CPAMD8: variants seen among roughly 807,000 people sequenced by gnomAD.
CPAMD8 encodes the protein C3 and PZP like alpha-2-macroglobulin domain containing 8.
In CPAMD8, 146 loss-of-function variants were observed where a neutral mutation model predicts 224.7. That is an observed-to-expected ratio of 0.65 (90% CI 0.57 to 0.75). CPAMD8 has a LOEUF of 0.75. Ranked by LOEUF, CPAMD8 falls within the 30% of genes least tolerant of loss-of-function variation. The probability of loss-of-function intolerance (pLI) is 0.00; values close to 1 mark genes in which losing one functional copy is unlikely to be tolerated. For missense variants in CPAMD8, 2,301 were observed against 2,537.5 expected (o/e 0.91, Z 2.00); for synonymous variants, 966 against 1,044.6 (o/e 0.92, Z 1.45).
intron 13 of CPAMD8, among the ~76,000 whole-genome samples, chr19:16,983,326 G>A (rs141095246): frequency 6.6e-6 from 1 of 152,168 alleles, no homozygotes. Flanking sequence ...TTGAACCTGA[G>A]AGGCAGAGGT....
intron 15 of CPAMD8, among the ~76,000 whole-genome samples, 188 bp from the exon 16 acceptor site, chr19:16,976,339 G>A (rs2122709182): frequency 6.6e-6 from 1 of 152,190 alleles, no homozygotes; most frequent in Non-Finnish European, 1.5e-5. Flanking sequence ...AGCTGGGCAT[G>A]GTGGCAGGTG....
intron 18 of CPAMD8, among the ~76,000 whole-genome samples, chr19:16,964,919 T>C (rs1240901657): frequency 6.6e-6 from 1 of 152,054 alleles, no homozygotes; most frequent in Non-Finnish European, 1.5e-5. Flanking sequence ...ATCCATCACA[T>C]AGACAGAACC....
intron 24 of CPAMD8, among the ~76,000 whole-genome samples, chr19:16,928,658 C>T (rs1041643642): frequency 6.6e-6 from 1 of 152,056 alleles, no homozygotes; most frequent in Non-Finnish European, 1.5e-5. Flanking sequence ...GCCCAGAAAA[C>T]ACCCCCCAAC....
intron 3 of CPAMD8, among the ~76,000 whole-genome samples, chr19:17,016,903 T>G (rs567387962): frequency 1.3e-5 from 2 of 151,458 alleles, no homozygotes; most frequent in South Asian, 4.2e-4. Context: ...TTTTTTTTTC[T>G]TTTTTCCTTA....
rs2052910156 is a variant in CPAMD8 at position 16,915,403 on chromosome 19, A to C, written c.3630-590T>G. 2.6e-5 allele frequency among the ~76,000 whole-genome samples: 4 copies of C among 152,112 alleles called. No homozygotes were observed. The South Asian group carries it at 8.3e-4, about 32-fold the overall frequency. On this transcript the variant is annotated intron_variant, in intron 27 of 41. Transcript: ENST00000443236. ...GGAGGGAATACCCAGGGATGGAAGG[A>C]AAAAAACGAGCCCCAGTGCACTATG...
intron 30 of CPAMD8, among the ~76,000 whole-genome samples, 181 bp downstream of exon 30, chr19:16,906,771 G>A (rs1184057140): frequency 1.3e-5 from 2 of 151,826 alleles, no homozygotes. Context: ...GTGCAATGGC[G>A]CGATCTCTGC....
chr19:16,931,022 A>G (rs1164617007), intron 23 of CPAMD8, among the ~76,000 whole-genome samples: 2 of 152,080 alleles, frequency 1.3e-5, no homozygotes, highest in African/African-American at 4.8e-5. Flanking sequence ...TAACTCCCCA[A>G]CCTGCAGCAA....
intron 32 of CPAMD8, 53 bp downstream of exon 32, chr19:16,904,173 G>GGGAGGGCCCCCCCCCCCCCCCCA: frequency 8.8e-7 from 1 of 1,141,964 alleles, no homozygotes; most frequent in Non-Finnish European, 1.3e-6. Context: ...AAGGACTGCA[G>GGGAGGGCCCCCCCCCCCCCCCCA]GGACCCCACC....
At chr19:17,022,306 T>C (rs2056981414) in intron 1 of CPAMD8, 125 bp from the exon 2 acceptor site, 3 of 1,084,812 alleles carry the variant, frequency 2.8e-6, no homozygotes, top group East Asian at 2.6e-5. Context: ...CTGGCTGGCA[T>C]TGATGCTCTA....
At chr19:16,976,724 G>C (rs1273464099) in intron 15 of CPAMD8, among the ~76,000 whole-genome samples, 1 of 151,920 alleles carries the variant, frequency 6.6e-6, no homozygotes, top group Non-Finnish European at 1.5e-5. Context: ...TGCTGGCGGA[G>C]AGCCTGTGGC....
At chr19:16,949,308 C>T (rs1270157173) in intron 20 of CPAMD8, among the ~76,000 whole-genome samples, 1 of 152,158 alleles carries the variant, frequency 6.6e-6, no homozygotes, top group East Asian at 1.9e-4. Context: ...CCAAGCCGGA[C>T]ATCTGGGGAT....
At chr19:16,983,979 G>A (rs1157792776) in intron 13 of CPAMD8, among the ~76,000 whole-genome samples, 3 of 152,156 alleles carry the variant, frequency 2.0e-5, no homozygotes, top group Non-Finnish European at 4.4e-5. Flanking sequence ...AATCAAGACA[G>A]TGTAGTACCA....
chr19:16,970,253 A>T (rs1479526711), intron 18 of CPAMD8, among the ~76,000 whole-genome samples: 1 of 150,214 alleles, frequency 6.7e-6, no homozygotes, highest in Non-Finnish European at 1.5e-5. Context: ...AAAAAAAAAA[A>T]AAAGAAAGAA....
chr19:16,982,348 T>C (rs1441122264), intron 13 of CPAMD8, among the ~76,000 whole-genome samples: 1 of 151,340 alleles, frequency 6.6e-6, no homozygotes, highest in African/African-American at 2.4e-5. Context: ...GTCATGATCA[T>C]GCCACTGCAC....
intron 27 of CPAMD8, among the ~76,000 whole-genome samples, chr19:16,920,855 CAAAAAAAAAA>C (rs200039066): frequency 2.5e-5 from 3 of 119,080 alleles, no homozygotes; most frequent in African/African-American, 1.2e-4. Context: ...GACTCTATCT[CAAAAAAAAAA>C]AAAAAAAAAA....
At position 17,003,793 on chromosome 19, in the gene CPAMD8, A is replaced by G. The variant is rs539775127; in HGVS notation, c.673+480T>C. ...AACCCTGCCTCAAAAAAAAAAAAAA[A>G]GTAAGAGTGTAGGACCATCCCCTGA... is the stretch of plus-strand genomic sequence containing the variant. On this transcript the variant is annotated intron_variant, in intron 8 of 41. Transcript: ENST00000443236. Among the ~76,000 whole-genome samples the G allele has an allele frequency of 4.6e-5, 7 of 150,768 alleles. No individual in the cohort carries two copies. In the South Asian group the frequency reaches 1.3e-3, roughly 27 times the overall value.
chr19:16,972,268 A>T (rs1327482851), intron 17 of CPAMD8, among the ~76,000 whole-genome samples: 2 of 151,856 alleles, frequency 1.3e-5, no homozygotes, highest in East Asian at 3.9e-4. Context: ...GGCTCAAGTG[A>T]TCCTCCCACC....
At chr19:16,904,797 T>C (rs734567) in intron 30 of CPAMD8, among the ~76,000 whole-genome samples, 72,820 of 152,068 alleles carry the variant, frequency 0.48, 19,261 homozygotes, top group African/African-American at 0.71. Context: ...CTACCCAACC[T>C]TACCCCTGGC....
Position 16,893,149 on chromosome 19 carries a change from C to A in CPAMD8, c.5617G>T (p.Glu1873Ter). Reference sequence around the variant, plus strand: ...GTGTTTGACATCCATAAACCCTCCTCCCCACCACTCTGAAAGGCTGGGCTG... The same window carrying A: ...GTGTTTGACATCCATAAACCCTCCTACCCACCACTCTGAAAGGCTGGGCTG... ...VYSPAFQSGG[E>*]EGLWMSNTCT... Residue 1873 changes from glutamate (E) to a stop codon, truncating the protein, a stop_gained, in exon 42 of 42, where the codon GAG (glutamate) becomes TAG (stop). Coordinates refer to ENST00000443236, the MANE Select transcript of CPAMD8 (RefSeq NM_015692.5). LOFTEE classifies it high-confidence loss of function. 1 of 1,570,584 alleles carries A rather than the reference C, an allele frequency of 6.4e-7. No individual in the cohort carries two copies. Among genetic ancestry groups the A allele is most frequent in the Non-Finnish European group, 8.8e-7 (1 of 1,142,198 alleles).
Sources: gnomAD v4.1 joint callset for allele counts (sites outside exome capture counted in the v4.1 genomes callset) on GRCh38, gnomAD v4.1.1 for gene constraint, MANE v1.5 for transcripts, NCBI Gene and HGNC (gene_info 2026-07-23, HGNC 2026-07-21) for gene names.